Variants in CLTA observed in about 807,000 individuals in gnomAD.
CLTA encodes the protein clathrin light chain A.
In CLTA, 9 loss-of-function variants were observed where a neutral mutation model predicts 26.9. The ratio of observed to expected loss-of-function variants is 0.33; its 90% CI spans 0.20 to 0.58. CLTA has a LOEUF of 0.58. Among genes scored for constraint, CLTA ranks in the 20% least tolerant of loss-of-function variants. The pLI is 0.85. For synonymous variants in CLTA, 120 were observed against 115.5 expected, an observed-to-expected ratio of 1.04 and a Z score of -0.25; for missense variants, 278 against 294.2, an observed-to-expected ratio of 0.94 and a Z score of 0.40.
intron 4 of CLTA, among the ~76,000 whole-genome samples, chr9:36,205,170 G>T (rs898138258): frequency 6.6e-6 from 1 of 152,180 alleles, no homozygotes; most frequent in African/African-American, 2.4e-5. Flanking sequence ...TATGCTAGCA[G>T]CCCTTCAGCT....
chr9:36,191,656 A>G (rs1472333065), intron 1 of CLTA, among the ~76,000 whole-genome samples: 1 of 152,242 alleles, frequency 6.6e-6, no homozygotes, highest in African/African-American at 2.4e-5. Context: ...CCGAGCACAG[A>G]ACTCGTTATT....
intron 4 of CLTA, chr9:36,209,396 T>C: frequency 1.7e-6 from 2 of 1,164,660 alleles, no homozygotes; most frequent in East Asian, 2.3e-5. Context: ...TCCTTTTATG[T>C]CACAAGTTGC....
At chr9:36,211,464 G>A (rs1157697584) in intron 4 of CLTA, 139 bp from the exon 5 acceptor site, 1 of 1,156,822 alleles carries the variant, frequency 8.6e-7, no homozygotes, top group Non-Finnish European at 1.2e-6. Context: ...GTCTGACCTG[G>A]GCCAGGGGCT....
intron 4 of CLTA, among the ~76,000 whole-genome samples, chr9:36,205,444 A>G (rs754740011): frequency 3.3e-5 from 5 of 152,084 alleles, no homozygotes; most frequent in African/African-American, 7.2e-5. Flanking sequence ...ATTTTCTCCC[A>G]GGTGGAAGTT....
At chr9:36,207,231 C>A (rs113571344) in intron 4 of CLTA, among the ~76,000 whole-genome samples, 12 of 152,308 alleles carry the variant, frequency 7.9e-5, no homozygotes, top group African/African-American at 2.9e-4. Context: ...CTAAGTGTCA[C>A]AGTACAAGAG....
rs1016744601 is a variant in CLTA at position 36,190,999 on chromosome 9, C to T, written c.-58C>T. ...CAGCGGTGGCTGCCGGGCGTGGTGT[C>T]GGTGGGTCGGTTGGTTTTTGTCTCA... is the stretch of plus-strand genomic sequence containing the variant. On this transcript the variant is annotated 5_prime_UTR_variant, in exon 1 of 5. Transcript: ENST00000345519. 6.1e-6 allele frequency: 9 copies of T among 1,470,114 alleles called. No homozygotes were observed. In the South Asian group the frequency reaches 8.4e-5, roughly 14 times the overall value. The allele number at this position is 1,470,114 out of a possible 1,614,324, so 91.1% of individuals were successfully genotyped here.
At chr9:36,201,715 G>A (rs997376290) in intron 3 of CLTA, among the ~76,000 whole-genome samples, 2 of 152,188 alleles carry the variant, frequency 1.3e-5, no homozygotes, top group South Asian at 4.1e-4. Flanking sequence ...TTTGAATTAG[G>A]TATTGTCACA....
intron 4 of CLTA, among the ~76,000 whole-genome samples, chr9:36,207,024 G>A (rs1438963497): frequency 1.3e-5 from 2 of 152,232 alleles, no homozygotes; most frequent in African/African-American, 4.8e-5. Flanking sequence ...AAGTTTGAAA[G>A]AGGAAAGTCG....
intron 1 of CLTA, among the ~76,000 whole-genome samples, chr9:36,193,317 CT>C (rs5897629): frequency 0.12 from 16,039 of 137,238 alleles, 895 homozygotes; most frequent in East Asian, 0.18. Context: ...CTTTTTCCTT[CT>C]TTTTTTTTTT....
Position 36,204,796 on chromosome 9 carries a change from T to C in CLTA, c.485+617T>C, listed in dbSNP as rs557935979. Among the ~76,000 whole-genome samples the C allele has an allele frequency of 7.7e-4, 118 of 152,322 alleles. 1 individual carries two copies. Among genetic ancestry groups the C allele is most frequent in the Non-Finnish European group, 1.3e-3 (89 of 68,028 alleles). ...GGAGAAAAACGCTTTCATTCTCATATCACTACTCACCAGCAGCTGGGCTTT... is the reference window on the plus strand; with the variant it reads ...GGAGAAAAACGCTTTCATTCTCATACCACTACTCACCAGCAGCTGGGCTTT... On this transcript the variant is annotated intron_variant, in intron 4 of 4. Coordinates refer to ENST00000345519, the MANE Select transcript of CLTA (RefSeq NM_001833.4).
At chr9:36,209,999 A>C (rs1827943589) in intron 4 of CLTA, among the ~76,000 whole-genome samples, 1 of 152,172 alleles carries the variant, frequency 6.6e-6, no homozygotes, top group Admixed American at 6.5e-5. Context: ...GGATAGTCAA[A>C]GTGTCTTGAT....
intron 4 of CLTA, 30 bp downstream of exon 4, chr9:36,204,209 G>C (rs749003542): frequency 2.5e-5 from 39 of 1,588,486 alleles, no homozygotes; most frequent in Non-Finnish European, 3.2e-5. Context: ...AGCACACTTT[G>C]TTTTCCAAAA....
At chr9:36,203,667 G>A (rs1827553770) in intron 3 of CLTA, among the ~76,000 whole-genome samples, 2 of 152,294 alleles carry the variant, frequency 1.3e-5, no homozygotes, top group East Asian at 1.9e-4. Context: ...GGCAGCATTG[G>A]TAAAGAATCA....
intron 1 of CLTA, 31 bp from the exon 2 acceptor site, chr9:36,197,520 T>G (rs779023956): frequency 6.3e-7 from 1 of 1,588,710 alleles, no homozygotes; most frequent in East Asian, 2.2e-5. Context: ...GACCAGTCCT[T>G]ATTGATAGAC....
At position 36,207,835 on chromosome 9, in the gene CLTA, C is replaced by T. The variant is rs755658758; in HGVS notation, c.485+3656C>T. ...TGTGGAGGGAAACCCAAGTTGAAATCGATCAGGTTTAGTCCTTTGTGTAAA... is the reference window on the plus strand; with the variant it reads ...TGTGGAGGGAAACCCAAGTTGAAATTGATCAGGTTTAGTCCTTTGTGTAAA... On this transcript the variant is annotated intron_variant, in intron 4 of 4. Coordinates refer to ENST00000345519, the MANE Select transcript of CLTA (RefSeq NM_001833.4). Among the ~76,000 whole-genome samples the T allele has an allele frequency of 3.9e-5, 6 of 152,164 alleles. No homozygotes were observed. In the South Asian group the frequency reaches 1.2e-3, roughly 31 times the overall value.
chr9:36,193,560 C>T (rs1826858731), intron 1 of CLTA, among the ~76,000 whole-genome samples: 2 of 152,024 alleles, frequency 1.3e-5, no homozygotes, highest in African/African-American at 2.4e-5. Flanking sequence ...TAGTGAATTC[C>T]AGCTACTATT....
chr9:36,192,036 G>A (rs1826762462), intron 1 of CLTA, among the ~76,000 whole-genome samples: 1 of 152,232 alleles, frequency 6.6e-6, no homozygotes, highest in South Asian at 2.1e-4. Context: ...GGGCAGGTAG[G>A]ATGGCAGTTT....
intron 1 of CLTA, among the ~76,000 whole-genome samples, chr9:36,193,813 A>G (rs1003847432): frequency 5.3e-5 from 8 of 152,120 alleles, no homozygotes; most frequent in Non-Finnish European, 2.9e-5. Flanking sequence ...TTGTTAAGAG[A>G]TCCAGAAAAG....
chr9:36,198,707 A>G (rs1827205768), intron 2 of CLTA, among the ~76,000 whole-genome samples: 2 of 150,264 alleles, frequency 1.3e-5, no homozygotes, highest in South Asian at 4.2e-4. Flanking sequence ...CCCCAGAAAA[A>G]AAAAAAAAAA....
Sources: allele counts gnomAD v4.1 joint callset (sites outside exome capture counted in the v4.1 genomes callset), GRCh38; gene constraint gnomAD v4.1.1; transcripts MANE v1.5; gene names NCBI Gene and HGNC (gene_info 2026-07-23, HGNC 2026-07-21).